The following FGGY variants were observed in gnomAD, a reference collection of about 807,000 sequenced individuals.
FGGY encodes the protein FGGY carbohydrate kinase domain containing, also known as FGGY carbohydrate kinase domain-containing protein.
In FGGY, 72 loss-of-function variants were observed where a neutral mutation model predicts 71.3. The observed-to-expected ratio is 1.01, with a 90% confidence interval of 0.84 to 1.23. The LOEUF (loss-of-function observed/expected upper bound fraction) is 1.23. FGGY is among the 50% of genes most tolerant of loss of function. The probability of loss-of-function intolerance (pLI) is 0.00; values close to 1 mark genes in which losing one functional copy is unlikely to be tolerated. For missense variants in FGGY, 668 were observed against 682.3 expected, an observed-to-expected ratio of 0.98 and a Z score of 0.23; for synonymous variants, 251 against 250.3, an observed-to-expected ratio of 1.00 and a Z score of -0.02.
intron 5 of FGGY, among the ~76,000 whole-genome samples, chr1:59,442,842 T>G (rs1400223399): frequency 6.6e-6 from 1 of 152,182 alleles, no homozygotes; most frequent in Non-Finnish European, 1.5e-5. Context: ...CACTTTTGTA[T>G]TTTGCACAAT....
intron 8 of FGGY, among the ~76,000 whole-genome samples, chr1:59,559,744 A>G (rs78174862): frequency 1.3e-3 from 193 of 152,326 alleles, no homozygotes; most frequent in African/African-American, 4.4e-3. Context: ...AATATGTCAC[A>G]GGGAGCCAAC....
intron 4 of FGGY, among the ~76,000 whole-genome samples, chr1:59,370,604 T>G (rs1000836881): frequency 1.6e-4 from 24 of 151,686 alleles, no homozygotes; most frequent in Middle Eastern, 3.4e-3. Flanking sequence ...CACATAATTG[T>G]CAGATTCACC....
At chr1:59,538,636 C>A (rs1279839556) in intron 7 of FGGY, among the ~76,000 whole-genome samples, 1 of 151,312 alleles carries the variant, frequency 6.6e-6, no homozygotes, top group Non-Finnish European at 1.5e-5. Flanking sequence ...AAATGTGGCA[C>A]ATATACACCA....
chr1:59,317,130 A>G (rs2045594170), intron 1 of FGGY, among the ~76,000 whole-genome samples: 1 of 152,226 alleles, frequency 6.6e-6, no homozygotes, highest in Admixed American at 6.5e-5. Context: ...GGTTGCTATA[A>G]GGATTAAATG....
intron 9 of FGGY, among the ~76,000 whole-genome samples, chr1:59,608,858 A>G (rs1051707089): frequency 6.6e-6 from 1 of 152,190 alleles, no homozygotes; most frequent in African/African-American, 2.4e-5. Context: ...CCCACAAAAT[A>G]AAGACAAGTT....
At chr1:59,652,162 C>G (rs1325375738) in intron 11 of FGGY, among the ~76,000 whole-genome samples, 2 of 152,006 alleles carry the variant, frequency 1.3e-5, no homozygotes, top group Admixed American at 6.6e-5. Flanking sequence ...GTAACCCAAC[C>G]TTTCTCTCTG....
intron 9 of FGGY, among the ~76,000 whole-genome samples, chr1:59,619,271 C>G (rs1035692381): frequency 2.6e-5 from 4 of 152,030 alleles, no homozygotes; most frequent in Non-Finnish European, 4.4e-5. Context: ...CTGCACTCTC[C>G]TGCACTCCAC....
intron 14 of FGGY, among the ~76,000 whole-genome samples, chr1:59,735,399 A>G (rs2098091658): frequency 6.6e-6 from 1 of 152,184 alleles, no homozygotes; most frequent in South Asian, 2.1e-4. Context: ...AGGAGGCCCA[A>G]GTTCTAGTCC....
intron 8 of FGGY, among the ~76,000 whole-genome samples, chr1:59,585,840 A>G (rs551869262): frequency 6.6e-6 from 1 of 152,294 alleles, no homozygotes; most frequent in South Asian, 2.1e-4. Context: ...AACCCCATCA[A>G]CAATTGGGTG....
At chr1:59,590,259 A>T (rs2096403794) in intron 8 of FGGY, among the ~76,000 whole-genome samples, 1 of 152,242 alleles carries the variant, frequency 6.6e-6, no homozygotes, top group Non-Finnish European at 1.5e-5. Context: ...ATCTCTGAAT[A>T]GAACAATAAC....
At chr1:59,372,449 G>C (rs2057839462) in intron 4 of FGGY, among the ~76,000 whole-genome samples, 1 of 152,198 alleles carries the variant, frequency 6.6e-6, no homozygotes, top group South Asian at 2.1e-4. Flanking sequence ...TCCAGGACCA[G>C]ATGGATTCAC....
Position 59,352,496 on chromosome 1 carries a change from C to G in FGGY, c.465+6098C>G, listed in dbSNP as rs370116975. Among the ~76,000 whole-genome samples the G allele has an allele frequency of 2.4e-4, 37 of 152,296 alleles. No individual in the cohort carries two copies. In the South Asian group the frequency reaches 4.8e-3, roughly 20 times the overall value. On this transcript the variant is annotated intron_variant, in intron 4 of 15. Transcript: ENST00000303721. ...TTGTTGATGGATTCAGGAAATATACCTGCTGCTTCTCTCTCCCCTGTCTGT... is the reference window on the plus strand; with the variant it reads ...TTGTTGATGGATTCAGGAAATATACGTGCTGCTTCTCTCTCCCCTGTCTGT...
At chr1:59,336,171 GGTAAGAGTCTAA>G (rs1370339108) in intron 2 of FGGY, among the ~76,000 whole-genome samples, 5 of 152,178 alleles carry the variant, frequency 3.3e-5, no homozygotes, top group African/African-American at 9.6e-5. Flanking sequence ...TATGGTGTGA[GGTAAGAGTCTAA>G]GTTCTTTTTT....
chr1:59,471,310 C>A (rs1429798985), intron 6 of FGGY, among the ~76,000 whole-genome samples: 4 of 152,198 alleles, frequency 2.6e-5, no homozygotes, highest in African/African-American at 9.7e-5. Flanking sequence ...TTTCCTGAGG[C>A]CTCCCAAGCC....
chr1:59,381,261 T>A (rs911679627), intron 5 of FGGY, among the ~76,000 whole-genome samples: 14 of 152,182 alleles, frequency 9.2e-5, no homozygotes, highest in Non-Finnish European at 1.3e-4. Context: ...CTTAGGATTG[T>A]CTTGGCAATG....
At chr1:59,443,449 AC>A (rs929555339) in intron 5 of FGGY, among the ~76,000 whole-genome samples, 5 of 151,338 alleles carry the variant, frequency 3.3e-5, no homozygotes, top group African/African-American at 1.2e-4. Context: ...CTTGCTCCCC[AC>A]CCCCCAACTA....
intron 1 of FGGY, among the ~76,000 whole-genome samples, chr1:59,300,788 T>C (rs1053066917): frequency 1.3e-5 from 2 of 152,224 alleles, no homozygotes; most frequent in Non-Finnish European, 2.9e-5. Context: ...CAATTTACCA[T>C]GTATACATTG....
intron 5 of FGGY, among the ~76,000 whole-genome samples, chr1:59,423,054 A>C (rs1374574456): frequency 6.6e-6 from 1 of 152,142 alleles, no homozygotes; most frequent in Non-Finnish European, 1.5e-5. Context: ...CTATTTCTCA[A>C]TTCTTTCTTG....
chr1:59,518,042 C>A (rs2094713961), intron 7 of FGGY, among the ~76,000 whole-genome samples: 1 of 152,204 alleles, frequency 6.6e-6, no homozygotes. Context: ...TATTTGATTA[C>A]CAATATTGGA....
Sources: gnomAD v4.1 joint callset for allele counts (sites outside exome capture counted in the v4.1 genomes callset) on GRCh38, gnomAD v4.1.1 for gene constraint, MANE v1.5 for transcripts, NCBI Gene and HGNC (gene_info 2026-07-23, HGNC 2026-07-21) for gene names.